TRIM60: variants seen among roughly 807,000 people sequenced by gnomAD.
TRIM60 encodes the protein tripartite motif containing 60.
For synonymous variants in TRIM60, 189 were observed against 195.2 expected (o/e 0.97, Z 0.27); for missense variants, 524 against 540.8 (o/e 0.97, Z 0.31).
At chr4:165,039,804 CAA>C (rs34594955) in intron 2 of TRIM60, among the ~76,000 whole-genome samples, 79 of 83,456 alleles carry the variant, frequency 9.5e-4, no homozygotes, top group African/African-American at 1.6e-3. Flanking sequence ...GACTCCGTCT[CAA>C]AAAAAAAAAA....
rs572864610 is a variant in TRIM60, at chr4:165,037,034, C to G, written c.-56-2167C>G. Among the ~76,000 whole-genome samples, 15 of 151,898 alleles carry G rather than the reference C, an allele frequency of 9.9e-5. No homozygotes were observed. The East Asian group carries it at 2.4e-3, about 24-fold the overall frequency. ...CCTGGCCAACATGGTGAGACCCCAT[C>G]TCTACTAAAAATACAAAAATTAGCC... On this transcript the variant is annotated intron_variant, in intron 1 of 2. Transcript: ENST00000512596.
In TRIM60 at chr4:165,040,126, C is replaced by T; in HGVS notation, c.54C>T (p.Ile18=). ...TCCAAGAGGAGTCTAGCTGTCCCAT[C>T]TGTCTGGAGTACTTGAAAGACCCAG... ...VNLQEESSCP[I]CLEYLKDPVT... Residue 18 remains isoleucine, a synonymous_variant, in exon 3 of 3, where the codon ATC becomes ATT. Coordinates refer to ENST00000512596, the MANE Select transcript of TRIM60 (RefSeq NM_152620.3). 6.2e-7 allele frequency: 1 copy of T among 1,613,744 alleles called. No homozygotes were observed.
chr4:165,032,849 G>C (rs1227880604), intron 1 of TRIM60, among the ~76,000 whole-genome samples: 3 of 152,078 alleles, frequency 2.0e-5, no homozygotes, highest in Non-Finnish European at 4.4e-5. Context: ...TCTCCCACAG[G>C]TTTGATTTAT....
Position 165,040,692 on chromosome 4 carries a change from A to T in TRIM60, c.620A>T (p.Asp207Val), listed in dbSNP as rs780681540. The T allele has an allele frequency of 3.7e-6, 6 of 1,613,762 alleles. No individual in the cohort carries two copies. Among genetic ancestry groups the T allele is most frequent in the Non-Finnish European group, 4.2e-6 (5 of 1,179,956 alleles). ...GAGATGATTCTTAGGCAGATACAAG[A>T]TGAAGAGATGAACATTTTAGCAAAA... ...EQEMILRQIQ[D>V]EEMNILAKLN... is the part of the protein sequence containing the mutation. The change falls in exon 3 of 3, where the codon GAT (aspartate) becomes GTT (valine). Residue 207 changes from aspartate (D) to valine (V), a missense_variant. Transcript: ENST00000512596.
At chr4:165,036,843 C>T (rs1372198317) in intron 1 of TRIM60, among the ~76,000 whole-genome samples, 37 of 145,386 alleles carry the variant, frequency 2.5e-4, no homozygotes, top group Admixed American at 2.1e-3. Flanking sequence ...ATCGTGCCAT[C>T]GCATTCCAGC....
intron 2 of TRIM60, 187 bp downstream of exon 2, chr4:165,039,439 C>T (rs1733694930): frequency 6.6e-6 from 1 of 152,226 alleles, no homozygotes; most frequent in Non-Finnish European, 1.5e-5. Context: ...TTCTCATCCA[C>T]AGGGATGACC....
chr4:165,038,125 G>A (rs1733665669), intron 1 of TRIM60, among the ~76,000 whole-genome samples: 1 of 152,248 alleles, frequency 6.6e-6, no homozygotes, highest in African/African-American at 2.4e-5. Context: ...GAGGTGACCC[G>A]AAGGAAAAGA....
At chr4:165,034,039 G>T (rs77980281) in intron 1 of TRIM60, among the ~76,000 whole-genome samples, 1 of 152,144 alleles carries the variant, frequency 6.6e-6, no homozygotes, top group Non-Finnish European at 1.5e-5. Context: ...AAACTTCATT[G>T]CCTGAGTCTG....
chr4:165,040,646 TTG>T lies in TRIM60; in HGVS notation c.576_577del (p.Leu192PhefsTer5). On this transcript the variant is annotated frameshift_variant, in exon 3 of 3. Coordinates refer to ENST00000512596, the MANE Select transcript of TRIM60 (RefSeq NM_152620.3). LOFTEE classifies it low-confidence loss of function (END_TRUNC). ...AAATTCTGAGTTTGAGCAAATAAGA[TTG>T]TTTTTACAGAATGAACAAGAGATGA... ...EINSEFEQIR[L>X]FLQNEQEMIL... 1 of 1,614,038 alleles carries T rather than the reference TTG, an allele frequency of 6.2e-7. No homozygotes were observed. The highest frequency in any genetic ancestry group is 8.5e-7 in the Non-Finnish European group (1 of 1,179,978).
In TRIM60 at chr4:165,041,314, A is replaced by C; in HGVS notation, c.1242A>C (p.Lys414Asn). 2 of 1,614,118 alleles carry C rather than the reference A, an allele frequency of 1.2e-6. No homozygotes were observed. The change falls in exon 3 of 3, where the codon AAA becomes AAC. Residue 414 changes from lysine to asparagine, a missense_variant. Lys to Asn is a moderately conservative substitution (Grantham distance 94, BLOSUM62 0). Coordinates refer to ENST00000512596, the MANE Select transcript of TRIM60 (RefSeq NM_152620.3). ...TTCTGCCAGTAGTAAAACCCAGTAA[A>C]ATTGGTATTTTTCTGGACTATGAAT... The part of the protein sequence containing the change: ...TQLLPVVKPS[K>N]IGIFLDYELG...
intron 1 of TRIM60, among the ~76,000 whole-genome samples, chr4:165,035,549 A>T (rs1002903875): frequency 8.5e-5 from 13 of 152,176 alleles, no homozygotes; most frequent in Admixed American, 2.6e-4. Context: ...TACATACCAA[A>T]GATGCTCATT....
Position 165,040,193 on chromosome 4 carries a change from A to C in TRIM60, c.121A>C (p.Ser41Arg), listed in dbSNP as rs1379177971. The C allele has an allele frequency of 6.2e-7, 1 of 1,614,164 alleles. No homozygotes were observed. Among genetic ancestry groups the C allele is most frequent in the Non-Finnish European group, 8.5e-7 (1 of 1,180,022 alleles). Residue 41 changes from serine (S) to arginine (R), a missense_variant, in exon 3 of 3, where the codon AGT (serine) becomes CGT (arginine). Transcript: ENST00000512596. Reference protein sequence around the residue: ...CGHNFCRSCLSVSWKDLDDTF... With the variant: ...CGHNFCRSCLRVSWKDLDDTF... ...GCACAACTTCTGTCGCTCCTGCCTC[A>C]GTGTATCCTGGAAGGATCTAGATGA...
intron 1 of TRIM60, among the ~76,000 whole-genome samples, chr4:165,034,801 C>T (rs202012773): frequency 3.3e-5 from 5 of 152,012 alleles, no homozygotes; most frequent in African/African-American, 7.2e-5. Context: ...ATTTTCTGCC[C>T]GACTACTGCT....
intron 1 of TRIM60, among the ~76,000 whole-genome samples, chr4:165,033,167 C>T (rs1176092064): frequency 3.9e-5 from 6 of 152,014 alleles, no homozygotes; most frequent in East Asian, 1.9e-4. Context: ...CCAGCCTTGG[C>T]GACAGAGTGA....
rs1453745491 is a variant in TRIM60 at position 165,039,199 on chromosome 4, A to G, written c.-56-2A>G. 2 of 152,108 alleles carry G rather than the reference A, an allele frequency of 1.3e-5. No individual in the cohort carries two copies. 9.4% of individuals were successfully genotyped at this position (152,108 alleles called of 1,614,324 possible). ...ATGGTAATGCTTTGCTCCCCATTGC[A>G]GGTCATCAGTTTGCCCCATCATTGG... On this transcript the variant is annotated splice_acceptor_variant, in intron 1 of 2. Transcript: ENST00000512596. LOFTEE classifies it low-confidence loss of function (5UTR_SPLICE).
rs201640770 is a variant in TRIM60, at chr4:165,040,312, A to T, written c.240A>T (p.Gln80His). Residue 80 changes from glutamine to histidine, a missense_variant, in exon 3 of 3, where the codon CAA (glutamine) becomes CAT (histidine). Transcript: ENST00000512596. ...GTAATTTGACTGAAATTGCTAAACA[A>T]CTCCAGATTAGGAGGAGCAAGAGAA... ...QLRNLTEIAK[Q>H]LQIRRSKRKR... 3.0e-5 allele frequency: 48 copies of T among 1,613,982 alleles called. No individual in the cohort carries two copies. Among genetic ancestry groups the T allele is most frequent in the Non-Finnish European group, 4.0e-5 (47 of 1,180,038 alleles).
intron 1 of TRIM60, among the ~76,000 whole-genome samples, chr4:165,036,670 C>A (rs1733629407): frequency 6.6e-6 from 1 of 152,070 alleles, no homozygotes; most frequent in African/African-American, 2.4e-5. Flanking sequence ...CACTTGAGGT[C>A]AGGAGTTCAA....
At chr4:165,037,496 ATATTTTTTAG>A (rs143544668) in intron 1 of TRIM60, among the ~76,000 whole-genome samples, 3,854 of 151,596 alleles carry the variant, frequency 0.025, 143 homozygotes, top group African/African-American at 0.086. Context: ...GCTAGTTTTT[ATATTTTTTAG>A]TAGAGATGGG....
At position 165,040,210 on chromosome 4, in the gene TRIM60, T is replaced by A. The variant is rs761161245; in HGVS notation, c.138T>A (p.Asp46Glu). The A allele has an allele frequency of 6.2e-7, 1 of 1,614,156 alleles. No homozygotes were observed. Among genetic ancestry groups the A allele is most frequent in the South Asian group, 1.1e-5 (1 of 91,090 alleles). ...CCTGCCTCAGTGTATCCTGGAAGGA[T>A]CTAGATGATACCTTTCCCTGTCCTG... ...CRSCLSVSWK[D>E]LDDTFPCPVC... The change falls in exon 3 of 3, where the codon GAT (aspartate) becomes GAA (glutamate). Residue 46 changes from aspartate to glutamate, a missense_variant. By Grantham distance (45) the Asp-to-Glu change is conservative (BLOSUM62 2). Coordinates refer to ENST00000512596, the MANE Select transcript of TRIM60 (RefSeq NM_152620.3).
Sources: allele counts gnomAD v4.1 joint callset (sites outside exome capture counted in the v4.1 genomes callset), GRCh38; gene constraint gnomAD v4.1.1; transcripts MANE v1.5; gene names NCBI Gene and HGNC (gene_info 2026-07-23, HGNC 2026-07-21).